The following EYS variants were observed in gnomAD, a reference collection of about 807,000 sequenced individuals.
The protein encoded by EYS is protein eyes shut homolog.
EYS carries 250 observed loss-of-function variants against 282.1 expected under a neutral mutation model. The observed-to-expected ratio is 0.89, with a 90% CI of 0.80 to 0.98. The LOEUF is 0.98. EYS is among the 50% of genes least tolerant of loss of function. The pLI, the probability that EYS is intolerant of heterozygous loss-of-function variation, is 0.00. For synonymous variants in EYS, 1,355 were observed against 1,282.9 expected (o/e 1.06, Z -1.20); for missense variants, 4,016 against 3,709.0 (o/e 1.08, Z -2.15).
At chr6:65,504,009 T>C (rs941535337) in intron 2 of EYS, among the ~76,000 whole-genome samples, 2 of 151,684 alleles carry the variant, frequency 1.3e-5, no homozygotes, top group Non-Finnish European at 3.0e-5. Context: ...GTAATTTTGA[T>C]TGGGATTGTA....
At chr6:64,093,113 A>G (rs1020950016) in intron 31 of EYS, among the ~76,000 whole-genome samples, 1 of 151,944 alleles carries the variant, frequency 6.6e-6, no homozygotes, top group African/African-American at 2.4e-5. Context: ...ATTGGTCTAT[A>G]TCTCTGTTTT....
chr6:65,235,179 G>A (rs550469014), intron 12 of EYS, among the ~76,000 whole-genome samples: 1 of 152,190 alleles, frequency 6.6e-6, no homozygotes, highest in Admixed American at 6.6e-5. Flanking sequence ...GAATTTTGTA[G>A]TTGTGCTATT....
chr6:65,061,044 T>G (rs1773560908), intron 12 of EYS, among the ~76,000 whole-genome samples: 1 of 151,826 alleles, frequency 6.6e-6, no homozygotes, highest in Admixed American at 6.6e-5. Context: ...AAATTCCAAA[T>G]GATGTAATAA....
intron 26 of EYS, among the ~76,000 whole-genome samples, chr6:64,581,622 A>G (rs1360462267): frequency 6.6e-6 from 1 of 152,188 alleles, no homozygotes; most frequent in Non-Finnish European, 1.5e-5. Context: ...TACATAATTC[A>G]TATTTCATGG....
At chr6:65,583,346 C>T (rs994185149) in intron 2 of EYS, among the ~76,000 whole-genome samples, 2 of 151,890 alleles carry the variant, frequency 1.3e-5, no homozygotes, top group African/African-American at 4.8e-5. Context: ...ATATTTATGT[C>T]ACATTTTCAG....
chr6:65,007,135 T>C (rs1240344493), intron 13 of EYS, among the ~76,000 whole-genome samples: 3 of 152,100 alleles, frequency 2.0e-5, no homozygotes, highest in African/African-American at 7.2e-5. Flanking sequence ...GCAGGACTGC[T>C]ACATAGGTGA....
chr6:65,197,152 G>T (rs1272136996), intron 12 of EYS, among the ~76,000 whole-genome samples: 1 of 152,086 alleles, frequency 6.6e-6, no homozygotes, highest in Non-Finnish European at 1.5e-5. Context: ...CGGTATTGAA[G>T]AAAATAGACT....
rs546320649 is a variant in EYS at position 64,463,125 on chromosome 6, A to AT, written c.5645-23774dup. Among the ~76,000 whole-genome samples the AT allele has an allele frequency of 2.1e-4, 31 of 151,126 alleles. No individual in the cohort carries two copies. In the East Asian group the frequency reaches 4.7e-3, roughly 23 times the overall value. On this transcript the variant is annotated intron_variant, in intron 26 of 42. Coordinates refer to ENST00000503581, the MANE Select transcript of EYS (RefSeq NM_001142800.2). The stretch of plus-strand genomic sequence containing the variant: ...CCACGCCCGGCTATTTATTTTTTGG[A>AT]TTTTTTTACTAGAGATGGGGTTTCA...
chr6:65,268,070 C>CA (rs1232431137), intron 12 of EYS, among the ~76,000 whole-genome samples: 1 of 151,922 alleles, frequency 6.6e-6, no homozygotes, highest in Non-Finnish European at 1.5e-5. Flanking sequence ...AAATGATTTG[C>CA]ATATTCACAA....
intron 11 of EYS, among the ~76,000 whole-genome samples, chr6:65,299,411 C>G (rs113766825): frequency 6.6e-6 from 1 of 151,904 alleles, no homozygotes; most frequent in Non-Finnish European, 1.5e-5. Context: ...CCTGACCCCC[C>G]CCAAAAAACA....
At chr6:65,512,492 CAA>C (rs71002313) in intron 2 of EYS, among the ~76,000 whole-genome samples, 47,087 of 116,638 alleles carry the variant, frequency 0.4, 8,170 homozygotes, top group South Asian at 0.49. Flanking sequence ...GACTCTATCT[CAA>C]AAAAAAAAAA....
chr6:64,697,042 A>G (rs910572319), intron 22 of EYS, among the ~76,000 whole-genome samples: 5 of 152,342 alleles, frequency 3.3e-5, no homozygotes, highest in Non-Finnish European at 7.4e-5. Context: ...ACATTACAAC[A>G]GGAACAAATC....
At chr6:64,076,805 G>A (rs1771786958) in intron 32 of EYS, among the ~76,000 whole-genome samples, 2 of 151,872 alleles carry the variant, frequency 1.3e-5, no homozygotes, top group African/African-American at 4.8e-5. Flanking sequence ...GCTATTTGGT[G>A]AGGAGATGTA....
intron 40 of EYS, among the ~76,000 whole-genome samples, chr6:63,770,528 G>A (rs999652431): frequency 2.8e-4 from 42 of 152,094 alleles, no homozygotes; most frequent in African/African-American, 9.7e-4. Flanking sequence ...AGCAATGGGC[G>A]ATCACACGAC....
intron 30 of EYS, among the ~76,000 whole-genome samples, chr6:64,287,480 T>C (rs1675995131): frequency 6.6e-6 from 1 of 152,174 alleles, no homozygotes; most frequent in South Asian, 2.1e-4. Context: ...ACCAATGCAG[T>C]GAATGAAATC....
At chr6:64,198,007 T>TTTATTTATTTA (rs553129640) in intron 31 of EYS, among the ~76,000 whole-genome samples, 7 of 148,200 alleles carry the variant, frequency 4.7e-5, no homozygotes, top group African/African-American at 1.5e-4. Flanking sequence ...TTATTTATTT[T>TTTATTTATTTA]TTTGAGACGG....
chr6:64,067,662 A>G (rs984133645), intron 32 of EYS, among the ~76,000 whole-genome samples: 3 of 152,126 alleles, frequency 2.0e-5, no homozygotes, highest in Non-Finnish European at 4.4e-5. Flanking sequence ...CTAATTTACA[A>G]ATTAAACTTT....
intron 13 of EYS, among the ~76,000 whole-genome samples, chr6:65,021,530 G>T (rs143394540): frequency 6.6e-6 from 1 of 152,242 alleles, no homozygotes; most frequent in East Asian, 1.9e-4. Context: ...CCTGTCTCCT[G>T]ATTCCTTCAT....
intron 36 of EYS, among the ~76,000 whole-genome samples, chr6:63,808,215 C>T (rs1445071143): frequency 1.3e-5 from 2 of 152,168 alleles, no homozygotes; most frequent in Non-Finnish European, 2.9e-5. Flanking sequence ...TAAGAACTTT[C>T]AGGCAGAAGA....
Sources: gnomAD v4.1 joint callset for allele counts (sites outside exome capture counted in the v4.1 genomes callset) on GRCh38, gnomAD v4.1.1 for gene constraint, MANE v1.5 for transcripts, NCBI Gene and HGNC (gene_info 2026-07-23, HGNC 2026-07-21) for gene names.